Variants in WRAP53 observed in about 807,000 individuals in gnomAD.
WRAP53 encodes the protein telomerase Cajal body protein 1.
In WRAP53, 28 loss-of-function variants were observed where a neutral mutation model predicts 56.6. The ratio of observed to expected loss-of-function variants is 0.50; its 90% CI spans 0.37 to 0.68. WRAP53 has a LOEUF of 0.68. Ranked by LOEUF, WRAP53 falls within the 30% of genes least tolerant of loss-of-function variation. WRAP53 has a pLI of 0.00. For synonymous variants in WRAP53, 283 were observed against 283.4 expected (o/e 1.00, Z 0.01); for missense variants, 671 against 715.5 (o/e 0.94, Z 0.71).
chr17:7,694,032 C>T (rs972668582), intron 4 of WRAP53, among the ~76,000 whole-genome samples: 4 of 152,038 alleles, frequency 2.6e-5, no homozygotes, highest in Non-Finnish European at 5.9e-5. Context: ...CCTGTAATCC[C>T]GACACTTTGG....
At chr17:7,690,737 C>A (rs1296133815) in intron 4 of WRAP53, among the ~76,000 whole-genome samples, 1 of 151,874 alleles carries the variant, frequency 6.6e-6, no homozygotes, top group African/African-American at 2.4e-5. Context: ...TATGGCAAAA[C>A]CCCATCGCTA....
chr17:7,689,107 A>C, intron 2 of WRAP53, 28 bp downstream of exon 2: 1 of 1,614,058 alleles, frequency 6.2e-7, no homozygotes, highest in Non-Finnish European at 8.5e-7. Context: ...TGGAGTGTGG[A>C]GTCTGGGGAG....
Position 7,701,696 on chromosome 17 carries a change from G to C in WRAP53, c.862G>C (p.Asp288His), listed in dbSNP as rs1320547759. ...AGCCCATTCGCTCTGCTTCTCCCCG[G>C]ATGGCTCCCAGCTCTTCTGTGGCTT... ...TAAHSLCFSP[D>H]GSQLFCGFNR... The change falls in exon 7 of 11, where the codon GAT becomes CAT. Residue 288 changes from aspartate to histidine, a missense_variant. Around this residue, in one of 3 missense-constraint regions of WRAP53, gnomAD observed 406 missense variants for 418.5 expected, o/e 0.97. Coordinates refer to ENST00000396463, the MANE Select transcript of WRAP53 (RefSeq NM_001143992.2). This position sits in a 1 kb window ranked among gnomAD's most constrained non-coding sequence, Gnocchi z 4.2. 1 of 1,614,220 alleles carries C rather than the reference G, an allele frequency of 6.2e-7. No individual in the cohort carries two copies. The highest frequency in any genetic ancestry group is 8.5e-7 in the Non-Finnish European group (1 of 1,180,036).
intron 4 of WRAP53, among the ~76,000 whole-genome samples, chr17:7,692,995 C>T (rs961744951): frequency 2.0e-5 from 3 of 151,544 alleles, no homozygotes. Context: ...CCTGCCTCGG[C>T]CTCCCAAAGT....
chr17:7,699,510 AT>A (rs1567577604), intron 4 of WRAP53, among the ~76,000 whole-genome samples: 15 of 26,254 alleles, frequency 5.7e-4, no homozygotes, highest in African/African-American at 3.4e-3. Flanking sequence ...ATTTATATAT[AT>A]ATATATATAT....
chr17:7,687,161 G>A, upstream of WRAP53: 1 of 396,334 alleles, frequency 2.5e-6, no homozygotes, highest in Non-Finnish European at 4.4e-6. Flanking sequence ...CTTTGAGTTC[G>A]GATGGTCCTA....
At chr17:7,687,199 C>T (rs1207407167), upstream of WRAP53, 6 of 397,492 alleles carry the variant, frequency 1.5e-5, no homozygotes, top group Admixed American at 4.4e-5. Context: ...ACCCAGGTCT[C>T]CCAACAATGC....
rs377754534 is a variant in WRAP53, at chr17:7,702,963, C to A, written c.1269-30C>A. 36 of 1,613,384 alleles carry A rather than the reference C, an allele frequency of 2.2e-5. 1 individual carries two copies. The African/African-American group carries it at 2.5e-4, about 11-fold the overall frequency. ...GGTTCCTGCCCCAGGGGTGAGGCCT[C>A]TGCCAGCAAATCTCTCCTCTCTCTC... On this transcript the variant is annotated intron_variant, in intron 9 of 10. Transcript: ENST00000396463. The surrounding 1 kb of genome is among the most constrained non-coding windows in gnomAD (Gnocchi z 5.0).
chr17:7,695,904 C>T (rs1341588026), intron 4 of WRAP53, among the ~76,000 whole-genome samples: 1 of 152,164 alleles, frequency 6.6e-6, no homozygotes, highest in Middle Eastern at 3.2e-3. Context: ...AAACAGTCTC[C>T]TGCCTCCTTT....
intron 4 of WRAP53, among the ~76,000 whole-genome samples, chr17:7,696,520 G>C (rs1013861415): frequency 3.3e-5 from 5 of 152,044 alleles, no homozygotes; most frequent in Admixed American, 6.6e-5. Context: ...GGATGGTCTC[G>C]ATCTCCTGAC....
chr17:7,698,555 C>T (rs1397914888), intron 4 of WRAP53, among the ~76,000 whole-genome samples: 1 of 151,894 alleles, frequency 6.6e-6, no homozygotes, highest in Admixed American at 6.6e-5. Context: ...AACACAGACC[C>T]CTGTTTCTAC....
chr17:7,691,840 TTTG>T (rs1318660403), intron 4 of WRAP53, among the ~76,000 whole-genome samples: 3 of 149,156 alleles, frequency 2.0e-5, no homozygotes, highest in African/African-American at 7.6e-5. Flanking sequence ...AGAGGTTTTT[TTTG>T]TTTGTTTGTT....
In WRAP53 at chr17:7,703,355, C is replaced by CGCCACG; in HGVS notation, c.1517_1522dup (p.His507_Val508insGlyHis). The CGCCACG allele has an allele frequency of 6.2e-7, 1 of 1,614,006 alleles. No individual in the cohort carries two copies. Among genetic ancestry groups the CGCCACG allele is most frequent in the East Asian group, 2.2e-5 (1 of 44,866 alleles). ...GCTGGGCCTTCCCTTGCTCTCCACG[C>CGCCACG]GCCACGTCCACCTTGAATGTCGGCT... On this transcript the variant is annotated inframe_insertion, in exon 11 of 11. Transcript: ENST00000396463.
intron 4 of WRAP53, among the ~76,000 whole-genome samples, chr17:7,699,948 G>C (rs1009411204): frequency 6.6e-6 from 1 of 151,794 alleles, no homozygotes; most frequent in Non-Finnish European, 1.5e-5. Context: ...GCCCAGGCTG[G>C]TCTTGAACTC....
At chr17:7,690,459 A>G (rs1310674935) in intron 4 of WRAP53, among the ~76,000 whole-genome samples, 3 of 152,242 alleles carry the variant, frequency 2.0e-5, no homozygotes, top group African/African-American at 7.2e-5. Flanking sequence ...AGCACATTGC[A>G]TAAAATGGTC....
At position 7,702,932 on chromosome 17, in the gene WRAP53, G is replaced by A. The variant is rs1156719258; in HGVS notation, c.1269-61G>A. ...AGCTGTAGGGTCCCAGTCCCTGGGT[G>A]TGAGGGGTTCCTGCCCCAGGGGTGA... On this transcript the variant is annotated intron_variant, in intron 9 of 10. Transcript: ENST00000396463. The surrounding 1 kb of genome is among the most constrained non-coding windows in gnomAD (Gnocchi z 5.0). 3.1e-6 allele frequency: 5 copies of A among 1,612,694 alleles called. No homozygotes were observed. Among genetic ancestry groups the A allele is most frequent in the Non-Finnish European group, 4.2e-6 (5 of 1,179,954 alleles).
At chr17:7,693,726 AT>A (rs1349099646) in intron 4 of WRAP53, among the ~76,000 whole-genome samples, 4 of 152,178 alleles carry the variant, frequency 2.6e-5, no homozygotes, top group African/African-American at 7.2e-5. Flanking sequence ...TCAAAAAAAA[AT>A]AATAAAATTA....
At chr17:7,687,794 G>C (rs1448597078), upstream of WRAP53, 1 of 395,606 alleles carries the variant, frequency 2.5e-6, no homozygotes, top group Non-Finnish European at 4.4e-6. Flanking sequence ...AAATATGAAG[G>C]GTGGAAGGAA....
rs749704500 is a variant in WRAP53 at position 7,703,255 on chromosome 17, C to T, written c.1416C>T (p.Ser472=). The change falls in exon 11 of 11, where the codon AGC becomes AGT. Residue 472 remains serine (S), a synonymous_variant. Coordinates refer to ENST00000396463, the MANE Select transcript of WRAP53 (RefSeq NM_001143992.2). ...ATCTCTCCCTCAGCCTGCACCCTAG[C>T]CTGCCTCTCCTGGCCACTGCCTCCG... ...DCTNGVSLHP[S]LPLLATASGQ... is the part of the protein sequence containing the mutation. 1 of 1,613,626 alleles carries T rather than the reference C, an allele frequency of 6.2e-7. No individual in the cohort carries two copies.
Sources: allele counts gnomAD v4.1 joint callset (sites outside exome capture counted in the v4.1 genomes callset), GRCh38; gene constraint gnomAD v4.1.1; regional missense constraint gnomAD v4.1.1; non-coding constraint Gnocchi (gnomAD v3.1); transcripts MANE v1.5; gene names NCBI Gene and HGNC (gene_info 2026-07-23, HGNC 2026-07-21).